ASAP1: variants seen among roughly 807,000 people sequenced by gnomAD.
ASAP1 encodes ArfGAP with SH3 domain, ankyrin repeat and PH domain 1.
ASAP1 carries 43 observed loss-of-function variants against 145.2 expected under a neutral mutation model. The ratio of observed to expected loss-of-function variants is 0.30; its 90% confidence interval spans 0.23 to 0.38. ASAP1 has a LOEUF of 0.38. Among genes scored for constraint, ASAP1 ranks in the 10% least tolerant of loss-of-function variants. ASAP1 has a pLI of 1.00. For missense variants in ASAP1, 1,018 were observed against 1,355.3 expected, an observed-to-expected ratio of 0.75 and a Z score of 3.91; for synonymous variants, 546 against 515.5, an observed-to-expected ratio of 1.06 and a Z score of -0.80.
intron 27 of ASAP1, among the ~76,000 whole-genome samples, chr8:130,070,291 C>G (rs969989010): frequency 6.6e-6 from 1 of 152,166 alleles, no homozygotes; most frequent in African/African-American, 2.4e-5. Context: ...CCCACCTTGG[C>G]CTCTCAAAGT....
intron 4 of ASAP1, among the ~76,000 whole-genome samples, chr8:130,217,311 GGTTT>G (rs1411216097): frequency 1.3e-5 from 2 of 150,162 alleles, no homozygotes; most frequent in African/African-American, 2.4e-5. Context: ...CTTTTTTTTT[GGTTT>G]TTTTTGGTCA....
At chr8:130,211,976 T>A (rs1351385647) in intron 5 of ASAP1, among the ~76,000 whole-genome samples, 1 of 152,186 alleles carries the variant, frequency 6.6e-6, no homozygotes, top group Admixed American at 6.5e-5. Context: ...GCTGCTCAGC[T>A]GGGGGCTGCA....
At chr8:130,396,318 G>A (rs937271858) in intron 2 of ASAP1, among the ~76,000 whole-genome samples, 68 of 152,274 alleles carry the variant, frequency 4.5e-4, no homozygotes, top group African/African-American at 1.5e-3. Flanking sequence ...TATTTCCCCA[G>A]GTTTGAGTGT....
chr8:130,287,077 T>A (rs527988266), intron 3 of ASAP1, among the ~76,000 whole-genome samples: 1 of 152,096 alleles, frequency 6.6e-6, no homozygotes, highest in Non-Finnish European at 1.5e-5. Flanking sequence ...TTTTTAGTAA[T>A]GGGGCCAGAA....
chr8:130,157,024 G>T (rs980712813), intron 12 of ASAP1, among the ~76,000 whole-genome samples: 7 of 152,160 alleles, frequency 4.6e-5, no homozygotes, highest in Non-Finnish European at 8.8e-5. Flanking sequence ...ATAGTACATT[G>T]TTGCTCATAA....
chr8:130,305,873 T>G (rs1474189321), intron 3 of ASAP1, among the ~76,000 whole-genome samples: 1 of 152,158 alleles, frequency 6.6e-6, no homozygotes, highest in African/African-American at 2.4e-5. Context: ...AAGAGAGGTA[T>G]CTTAAGGATT....
intron 5 of ASAP1, among the ~76,000 whole-genome samples, chr8:130,206,014 T>A (rs1054708282): frequency 3.3e-5 from 5 of 152,216 alleles, no homozygotes; most frequent in African/African-American, 1.2e-4. Flanking sequence ...TTATAATTTT[T>A]ATTTTAAAAT....
chr8:130,179,399 T>C, intron 8 of ASAP1, 50 bp from the exon 9 acceptor site: 2 of 1,182,138 alleles, frequency 1.7e-6, no homozygotes, highest in Non-Finnish European at 2.5e-6. Flanking sequence ...GATGGGGCTC[T>C]TCAGCCATGG....
At chr8:130,107,467 G>T (rs1243321354) in intron 24 of ASAP1, among the ~76,000 whole-genome samples, 4 of 150,378 alleles carry the variant, frequency 2.7e-5, no homozygotes, top group Non-Finnish European at 5.9e-5. Flanking sequence ...TTACAGGTGT[G>T]AGCCACCATG....
chr8:130,414,486 C>A (rs1388068950), intron 1 of ASAP1, among the ~76,000 whole-genome samples: 1 of 152,170 alleles, frequency 6.6e-6, no homozygotes, highest in African/African-American at 2.4e-5. Context: ...GGACAAGCCA[C>A]CTTACCTCTC....
intron 25 of ASAP1, among the ~76,000 whole-genome samples, chr8:130,091,057 A>T (rs1013906542): frequency 6.6e-6 from 1 of 152,226 alleles, no homozygotes; most frequent in Non-Finnish European, 1.5e-5. Flanking sequence ...AAAGATGGGA[A>T]TTATGTCCCT....
chr8:130,216,703 C>T (rs1816950414), intron 4 of ASAP1, among the ~76,000 whole-genome samples: 1 of 152,152 alleles, frequency 6.6e-6, no homozygotes, highest in Non-Finnish European at 1.5e-5. Context: ...CTGATAACTC[C>T]TAAATTGATA....
chr8:130,151,413 ATTGCTGAAGAAATGAATAACTG>A (rs2097646182), intron 13 of ASAP1, among the ~76,000 whole-genome samples: 1 of 123,024 alleles, frequency 8.1e-6, no homozygotes, highest in Admixed American at 8.4e-5. Flanking sequence ...AAAAAAAAAG[ATTGCTGAAGAAATGAATAACTG>A]TTAGACAGCC....
chr8:130,232,897 G>T (rs2136631318), intron 4 of ASAP1, among the ~76,000 whole-genome samples: 1 of 152,266 alleles, frequency 6.6e-6, no homozygotes. Context: ...AGATAGCAGG[G>T]TTCAGCTTCT....
At chr8:130,302,890 A>G (rs761874683) in intron 3 of ASAP1, among the ~76,000 whole-genome samples, 2 of 152,226 alleles carry the variant, frequency 1.3e-5, no homozygotes, top group Admixed American at 1.3e-4. Context: ...TCCTGTGGAA[A>G]GATCGTGTCT....
intron 2 of ASAP1, among the ~76,000 whole-genome samples, chr8:130,359,710 G>C (rs1423282111): frequency 1.3e-5 from 2 of 150,364 alleles, no homozygotes; most frequent in Non-Finnish European, 1.5e-5. Context: ...TGCAAGCTCC[G>C]CTTCCCGGGT....
At chr8:130,338,974 A>G (rs1169115626) in intron 3 of ASAP1, among the ~76,000 whole-genome samples, 1 of 152,236 alleles carries the variant, frequency 6.6e-6, no homozygotes, top group African/African-American at 2.4e-5. Context: ...GAGTAACAAA[A>G]GCACCTGGGC....
chr8:130,245,058 T>C lies in ASAP1; in HGVS notation c.187-8064A>G, dbSNP rs1818765390. Reference sequence around the variant, plus strand: ...ACCAGGAAGCAGCAGTGCAGAATACTTGCCAACAGAGGAAGAGGGACCTGG... The same window carrying C: ...ACCAGGAAGCAGCAGTGCAGAATACCTGCCAACAGAGGAAGAGGGACCTGG... On this transcript the variant is annotated intron_variant, in intron 3 of 29. Coordinates refer to ENST00000518721, the MANE Select transcript of ASAP1 (RefSeq NM_018482.4). 2.0e-5 allele frequency among the ~76,000 whole-genome samples: 3 copies of C among 152,088 alleles called. No homozygotes were observed. The South Asian group carries it at 6.2e-4, about 32-fold the overall frequency.
Position 130,189,418 on chromosome 8 carries a change from T to G in ASAP1, c.406-1235A>C. On this transcript the variant is annotated intron_variant, in intron 5 of 29. Transcript: ENST00000518721. ...CCACATGAGACAGAACATGCAATACTTATCTTTCTGTACTTGGCTTATTTC... is the reference window on the plus strand; with the variant it reads ...CCACATGAGACAGAACATGCAATACGTATCTTTCTGTACTTGGCTTATTTC... Among the ~76,000 whole-genome samples the G allele has an allele frequency of 1.3e-5, 2 of 152,210 alleles. 1 individual carries two copies. The highest frequency in any genetic ancestry group is 4.1e-4 in the South Asian group (2 of 4,826).
Sources: allele counts gnomAD v4.1 joint callset (sites outside exome capture counted in the v4.1 genomes callset), GRCh38; gene constraint gnomAD v4.1.1; transcripts MANE v1.5; gene names NCBI Gene and HGNC (gene_info 2026-07-23, HGNC 2026-07-21).